Variants in PLB1 observed in about 807,000 individuals in gnomAD.
PLB1 encodes the protein phospholipase B1.
PLB1 carries 242 observed loss-of-function variants against 227.4 expected under a neutral mutation model. The ratio of observed to expected loss-of-function variants is 1.06; its 90% CI spans 0.96 to 1.18. The LOEUF is 1.18. Ranked by LOEUF, PLB1 falls within the 50% of genes most tolerant of loss-of-function variation. PLB1 has a pLI of 0.00. For synonymous variants in PLB1, 757 were observed against 682.2 expected, an observed-to-expected ratio of 1.11 and a Z score of -1.71; for missense variants, 1,858 against 1,816.3, an observed-to-expected ratio of 1.02 and a Z score of -0.42.
chr2:28,543,193 TC>T lies in PLB1; in HGVS notation c.880-18del. 1 of 1,602,062 alleles carries T rather than the reference TC, an allele frequency of 6.2e-7. No homozygotes were observed. Among genetic ancestry groups the T allele is most frequent in the Non-Finnish European group, 8.5e-7 (1 of 1,174,424 alleles). On this transcript the variant is annotated intron_variant, in intron 13 of 57. Coordinates refer to ENST00000327757, the MANE Select transcript of PLB1 (RefSeq NM_153021.5). ...CCTGGGGAGACAAAAGGTCCCGCTG[TC>T]AACTGGTTCTCTTTTAGGAGGACCC...
In PLB1 at chr2:28,591,118, C is replaced by G. The variant is rs1369693517; in HGVS notation, c.2089-15C>G. The stretch of plus-strand genomic sequence containing the variant: ...GCAGAATTTGCTGCCATTGCTCACC[C>G]CCCTCTCCTCACAGGTCCAGCCGTT... On this transcript the variant is annotated splice_polypyrimidine_tract_variant and intron_variant, in intron 29 of 57. Coordinates refer to ENST00000327757, the MANE Select transcript of PLB1 (RefSeq NM_153021.5). 6.2e-7 allele frequency: 1 copy of G among 1,614,134 alleles called. No individual in the cohort carries two copies. The highest frequency in any genetic ancestry group is 2.2e-5 in the East Asian group (1 of 44,876).
intron 19 of PLB1, among the ~76,000 whole-genome samples, chr2:28,565,761 C>T (rs1463530193): frequency 6.6e-6 from 1 of 152,206 alleles, no homozygotes; most frequent in African/African-American, 2.4e-5. Context: ...CCTCTCTGAG[C>T]TTCTCTCCTC....
chr2:28,567,696 T>A (rs570532653), intron 20 of PLB1, among the ~76,000 whole-genome samples: 39 of 152,190 alleles, frequency 2.6e-4, no homozygotes, highest in African/African-American at 5.1e-4. Context: ...ATGGTCTCGA[T>A]TTCCTGACTT....
chr2:28,632,021 T>C lies in PLB1; in HGVS notation c.3898-15T>C. 1 of 1,606,926 alleles carries C rather than the reference T, an allele frequency of 6.2e-7. No individual in the cohort carries two copies. Among genetic ancestry groups the C allele is most frequent in the Non-Finnish European group, 8.5e-7 (1 of 1,173,642 alleles). ...CTTGCCAGGAGGGTTGAGCAGCTTC[T>C]CTCTCTGTCCCCAGCATGGCATCTC... On this transcript the variant is annotated splice_polypyrimidine_tract_variant and intron_variant, in intron 54 of 57. Coordinates refer to ENST00000327757, the MANE Select transcript of PLB1 (RefSeq NM_153021.5).
Position 28,618,389 on chromosome 2 carries a change from ACT to A in PLB1, c.3310_3311del (p.Leu1104AspfsTer13), listed in dbSNP as rs1686495671. On this transcript the variant is annotated frameshift_variant, in exon 46 of 58. Coordinates refer to ENST00000327757, the MANE Select transcript of PLB1 (RefSeq NM_153021.5). LOFTEE classifies it high-confidence loss of function. ...ATCAAAGTGGTGGCCGCCCTGGGTG[ACT>A]CTCTGACTGTGAGTAGTGAGCCATG... The A allele has an allele frequency of 3.7e-6, 6 of 1,613,766 alleles. No individual in the cohort carries two copies. The highest frequency in any genetic ancestry group is 1.3e-5 in the African/African-American group (1 of 74,840).
At chr2:28,603,026 G>A in intron 39 of PLB1, 105 bp downstream of exon 39, 2 of 1,006,280 alleles carry the variant, frequency 2.0e-6, no homozygotes, top group South Asian at 2.7e-5. Flanking sequence ...GTCTATCCAT[G>A]TGTCCAAGTC....
intron 1 of PLB1, among the ~76,000 whole-genome samples, chr2:28,515,113 G>T (rs534919708): frequency 6.6e-6 from 1 of 152,168 alleles, no homozygotes; most frequent in African/African-American, 2.4e-5. Flanking sequence ...ACAGTGCCTG[G>T]CACATAGAAG....
In PLB1 at chr2:28,592,658, C is replaced by T. The variant is rs1215049252; in HGVS notation, c.2189-3C>T. ...CCCTAAGTGTGTCCACTTGTCTTTC[C>T]AGTGCATGCCCTGAGACCTGCAGAC... On this transcript the variant is annotated splice_region_variant and splice_polypyrimidine_tract_variant and intron_variant, in intron 31 of 57. Coordinates refer to ENST00000327757, the MANE Select transcript of PLB1 (RefSeq NM_153021.5). 2 of 1,614,022 alleles carry T rather than the reference C, an allele frequency of 1.2e-6. No homozygotes were observed. Among genetic ancestry groups the T allele is most frequent in the African/African-American group, 2.7e-5 (2 of 74,912 alleles).
chr2:28,551,071 T>C (rs1274051486), intron 16 of PLB1, among the ~76,000 whole-genome samples: 1 of 152,230 alleles, frequency 6.6e-6, no homozygotes, highest in South Asian at 2.1e-4. Context: ...GCACCTCCTG[T>C]TCCCAATCTG....
chr2:28,532,328 G>A, intron 9 of PLB1, 134 bp downstream of exon 9: 1 of 531,192 alleles, frequency 1.9e-6, no homozygotes, highest in South Asian at 3.1e-5. Context: ...ATGGATGGAT[G>A]GATGGATGGA....
rs780380260 is a variant in PLB1 at position 28,598,700 on chromosome 2, C to T, written c.2414C>T (p.Thr805Met). The change falls in exon 35 of 58, where the codon ACG (threonine) becomes ATG (methionine). Residue 805 changes from threonine (T) to methionine (M), a missense_variant. By Grantham distance (81) the Thr-to-Met change is moderately conservative (BLOSUM62 -1). Coordinates refer to ENST00000327757, the MANE Select transcript of PLB1 (RefSeq NM_153021.5). ...NRNLTGYAVG[T>M]GDANDTNAFL... ...AACCTCACAGGCTACGCCGTGGGCA[C>T]GGGTGATGCCAATGACACGAATGCA... 92 of 1,614,098 alleles carry T rather than the reference C, an allele frequency of 5.7e-5. No individual in the cohort carries two copies. The East Asian group carries it at 1.0e-3, about 18-fold the overall frequency.
Position 28,579,685 on chromosome 2 carries a change from T to C in PLB1, c.1544T>C (p.Leu515Pro), listed in dbSNP as rs1573123433. 6.2e-7 allele frequency: 1 copy of C among 1,613,104 alleles called. No homozygotes were observed. The change falls in exon 23 of 58, where the codon CTC becomes CCC. Residue 515 changes from leucine (L) to proline (P), a missense_variant. By Grantham distance (98) the Leu-to-Pro change is moderately conservative (BLOSUM62 -3). Transcript: ENST00000327757. ...IITLFIGGND[L>P]CDFCNDLVHY... The stretch of plus-strand genomic sequence containing the variant: ...ACCCTGTTTATAGGCGGCAATGACC[T>C]CTGTGATTTCTGCAATGATCTGGTA...
intron 54 of PLB1, among the ~76,000 whole-genome samples, chr2:28,631,238 C>T (rs192390200): frequency 6.6e-6 from 1 of 152,102 alleles, no homozygotes; most frequent in Admixed American, 6.5e-5. Flanking sequence ...CTCTCTGCCC[C>T]CTTCCATCTC....
chr2:28,563,959 G>T (rs902341743), intron 18 of PLB1, among the ~76,000 whole-genome samples: 1 of 152,142 alleles, frequency 6.6e-6, no homozygotes, highest in Non-Finnish European at 1.5e-5. Flanking sequence ...ACCAATAAAG[G>T]CTGGGCCCAG....
chr2:28,561,973 A>T (rs943056443), intron 17 of PLB1, among the ~76,000 whole-genome samples: 6 of 152,232 alleles, frequency 3.9e-5, no homozygotes, highest in Admixed American at 1.3e-4. Context: ...AAGAAGCCAA[A>T]CATAAAAAGT....
intron 23 of PLB1, among the ~76,000 whole-genome samples, chr2:28,581,482 C>A (rs533745938): frequency 1.0e-4 from 6 of 58,264 alleles, no homozygotes; most frequent in African/African-American, 4.4e-4. Flanking sequence ...GAGCTCCACG[C>A]AAAAAAATAA....
chr2:28,614,686 C>T (rs895982036), intron 44 of PLB1, among the ~76,000 whole-genome samples: 9 of 152,190 alleles, frequency 5.9e-5, no homozygotes, highest in African/African-American at 1.4e-4. Context: ...AGGCCTGGTC[C>T]GGATCAGGTC....
rs200441765 is a variant in PLB1, at chr2:28,529,344, G to T, written c.353G>T (p.Ser118Ile). The change falls in exon 7 of 58, where the codon AGT becomes ATT. Residue 118 changes from serine to isoleucine, a missense_variant. Transcript: ENST00000327757. ...CTTTCAGACATCATCAGATATTTCA[G>T]TCCTTCTGTTCCAATGCCTGTGTGC... Reference protein sequence around the residue: ...TVLSDIIRYFSPSVPMPVCHT... With the variant: ...TVLSDIIRYFIPSVPMPVCHT... The T allele has an allele frequency of 1.2e-6, 2 of 1,611,380 alleles. No individual in the cohort carries two copies. Among genetic ancestry groups the T allele is most frequent in the African/African-American group, 2.7e-5 (2 of 74,830 alleles).
Position 28,628,581 on chromosome 2 carries a change from G to T in PLB1, c.3679G>T (p.Glu1227Ter). The T allele has an allele frequency of 6.2e-7, 1 of 1,614,148 alleles. No individual in the cohort carries two copies. Among genetic ancestry groups the T allele is most frequent in the Non-Finnish European group, 8.5e-7 (1 of 1,180,010 alleles). ...CTTACAGGAGGCCCACTTGGCCACG[G>T]AATATGTTCAGCACATCCAACAGGC... is the stretch of plus-strand genomic sequence containing the variant. ...CENPEAHLAT[E>*]YVQHIQQALD... The change falls in exon 52 of 58, where the codon GAA becomes TAA. Residue 1227 changes from glutamate to a stop codon, truncating the protein, a stop_gained. Coordinates refer to ENST00000327757, the MANE Select transcript of PLB1 (RefSeq NM_153021.5). LOFTEE classifies it high-confidence loss of function.
Sources: allele counts gnomAD v4.1 joint callset (sites outside exome capture counted in the v4.1 genomes callset), GRCh38; gene constraint gnomAD v4.1.1; transcripts MANE v1.5; gene names NCBI Gene and HGNC (gene_info 2026-07-23, HGNC 2026-07-21).